Variants in DACH2 observed in about 807,000 individuals in gnomAD.
DACH2 encodes the protein dachshund homolog 2.
DACH2 carries 17 observed loss-of-function variants against 35.8 expected under a neutral mutation model. The ratio of observed to expected loss-of-function variants is 0.48; its 90% confidence interval spans 0.33 to 0.71. The LOEUF is 0.71. Ranked by LOEUF, DACH2 falls within the 30% of genes least tolerant of loss-of-function variation. The pLI is 0.02. For synonymous variants in DACH2, 195 were observed against 177.3 expected, an observed-to-expected ratio of 1.10 and a Z score of -0.79; for missense variants, 469 against 472.7, an observed-to-expected ratio of 0.99 and a Z score of 0.07.
chrX:86,743,494 G>T (rs1360111438), intron 7 of DACH2, among the ~76,000 whole-genome samples: 4 of 111,355 alleles, frequency 3.6e-5, no homozygotes, highest in African/African-American at 9.8e-5. Flanking sequence ...CAGATCATCA[G>T]TTTATTGTAC....
At chrX:86,468,142 C>T (rs1306735186) in intron 2 of DACH2, among the ~76,000 whole-genome samples, 2 of 111,627 alleles carry the variant, frequency 1.8e-5, no homozygotes, top group Non-Finnish European at 3.8e-5. Flanking sequence ...TCTATTTGGA[C>T]AATATTTTAA....
chrX:86,526,343 A>G (rs780689740), intron 3 of DACH2, among the ~76,000 whole-genome samples: 15 of 111,766 alleles, frequency 1.3e-4, no homozygotes, highest in African/African-American at 3.2e-4. Flanking sequence ...CTTGGCACCT[A>G]GAACTCACCT....
At chrX:86,585,411 A>G (rs1160062257) in intron 3 of DACH2, among the ~76,000 whole-genome samples, 1 of 110,753 alleles carries the variant, frequency 9.0e-6, no homozygotes, top group African/African-American at 3.3e-5. Context: ...TTTAACTTTT[A>G]TTTTAGGTTC....
At chrX:86,182,857 G>A (rs1423119760) in intron 1 of DACH2, among the ~76,000 whole-genome samples, 2 of 111,561 alleles carry the variant, frequency 1.8e-5, no homozygotes, top group Non-Finnish European at 3.8e-5. Flanking sequence ...TCATTGAGCA[G>A]TGGTTTGTAG....
chrX:86,818,756 C>T (rs1364542902), intron 11 of DACH2, among the ~76,000 whole-genome samples: 1 of 110,104 alleles, frequency 9.1e-6, no homozygotes, highest in Non-Finnish European at 1.9e-5. Context: ...AGTTCTTTCT[C>T]TTCCTGTTGT....
chrX:86,548,071 C>T (rs966934345), intron 3 of DACH2, among the ~76,000 whole-genome samples: 1 of 112,412 alleles, frequency 8.9e-6, no homozygotes, highest in African/African-American at 3.2e-5. Flanking sequence ...ACTGCCACTT[C>T]CTATAAGTCA....
intron 1 of DACH2, among the ~76,000 whole-genome samples, chrX:86,257,706 C>A (rs1480327676): frequency 8.9e-6 from 1 of 112,261 alleles, no homozygotes; most frequent in East Asian, 2.8e-4. Flanking sequence ...CCACACCTGG[C>A]CTACAACTCT....
intron 3 of DACH2, among the ~76,000 whole-genome samples, chrX:86,599,539 C>CTTTCTTTCTTT: frequency 1.4e-5 from 1 of 70,810 alleles, no homozygotes; most frequent in South Asian, 6.3e-4. Context: ...TCTCTGTCAA[C>CTTTCTTTCTTT]CAGCTGGAGT....
At chrX:86,407,077 T>C (rs1356210094) in intron 2 of DACH2, among the ~76,000 whole-genome samples, 1 of 111,820 alleles carries the variant, frequency 8.9e-6, no homozygotes, top group Non-Finnish European at 1.9e-5. Context: ...ACTAACATGA[T>C]TTGGTCTGAA....
At chrX:86,406,150 C>T (rs758733985) in intron 2 of DACH2, among the ~76,000 whole-genome samples, 1 of 111,612 alleles carries the variant, frequency 9.0e-6, no homozygotes, top group Non-Finnish European at 1.9e-5. Context: ...ACATGCCTAT[C>T]AGTGGCAGAC....
chrX:86,197,797 C>T (rs1250226113), intron 1 of DACH2, among the ~76,000 whole-genome samples: 1 of 111,030 alleles, frequency 9.0e-6, no homozygotes, highest in Admixed American at 9.6e-5. Context: ...CAAAGAGACT[C>T]CCATGGAATA....
chrX:86,294,666 T>A (rs1298409669), intron 1 of DACH2, among the ~76,000 whole-genome samples: 1 of 110,405 alleles, frequency 9.1e-6, no homozygotes, highest in Non-Finnish European at 1.9e-5. Flanking sequence ...TCTGCAGGTC[T>A]GTTGGAGTAC....
chrX:86,455,546 A>G (rs970769855), intron 2 of DACH2, among the ~76,000 whole-genome samples: 2 of 112,294 alleles, frequency 1.8e-5, no homozygotes, highest in Non-Finnish European at 3.8e-5. Context: ...GTCCCATTTA[A>G]AGAAGCAGTC....
intron 1 of DACH2, among the ~76,000 whole-genome samples, chrX:86,301,758 A>G (rs1161820218): frequency 2.7e-5 from 3 of 112,245 alleles, no homozygotes; most frequent in Non-Finnish European, 3.8e-5. Context: ...TTTTTGATAC[A>G]TGGTTGGAAT....
chrX:86,281,215 C>T (rs1305866099), intron 1 of DACH2, among the ~76,000 whole-genome samples: 5 of 111,373 alleles, frequency 4.5e-5, no homozygotes, highest in Non-Finnish European at 7.5e-5. Flanking sequence ...AATTTCAGGC[C>T]AATATCCCTG....
intron 7 of DACH2, among the ~76,000 whole-genome samples, chrX:86,757,741 A>G (rs2041842574): frequency 8.9e-6 from 1 of 111,936 alleles, no homozygotes; most frequent in African/African-American, 3.3e-5. Flanking sequence ...CTCCTGCTCC[A>G]GCCACGTAGG....
At chrX:86,181,717 G>T (rs2031502379) in intron 1 of DACH2, among the ~76,000 whole-genome samples, 1 of 111,195 alleles carries the variant, frequency 9.0e-6, no homozygotes, top group African/African-American at 3.3e-5. Flanking sequence ...GGGATTGCTG[G>T]GTCAAATGGT....
At chrX:86,691,057 A>T (rs2041004631) in intron 4 of DACH2, among the ~76,000 whole-genome samples, 1 of 111,795 alleles carries the variant, frequency 8.9e-6, no homozygotes, top group Admixed American at 9.5e-5. Context: ...AAATTTCTTG[A>T]AGACTTAAAG....
intron 1 of DACH2, among the ~76,000 whole-genome samples, chrX:86,262,096 C>T (rs771696637): frequency 9.8e-6 from 1 of 102,411 alleles, no homozygotes; most frequent in Non-Finnish European, 2.0e-5. Context: ...GCCTGTTCAA[C>T]ATGGCAAGAT....
Sources: allele counts gnomAD v4.1 joint callset (sites outside exome capture counted in the v4.1 genomes callset), GRCh38; gene constraint gnomAD v4.1.1; transcripts MANE v1.5; gene names NCBI Gene and HGNC (gene_info 2026-07-23, HGNC 2026-07-21).